Variants in TFRC observed in about 807,000 individuals in gnomAD.
TFRC encodes the protein transferrin receptor protein 1.
A neutral mutation model predicts 85.8 loss-of-function variants in TFRC; 35 were observed. That is an observed-to-expected ratio of 0.41 (90% CI 0.31 to 0.54). TFRC has a LOEUF of 0.54. Among genes scored for constraint, TFRC ranks in the 20% least tolerant of loss-of-function variants. The pLI, the probability that TFRC is intolerant of heterozygous loss-of-function variation, is 0.31. For synonymous variants in TFRC, 362 were observed against 328.6 expected, an observed-to-expected ratio of 1.10 and a Z score of -1.10; for missense variants, 828 against 921.5, an observed-to-expected ratio of 0.90 and a Z score of 1.31.
At chr3:196,052,502 G>A (rs770234724) in intron 18 of TFRC, among the ~76,000 whole-genome samples, 3 of 151,744 alleles carry the variant, frequency 2.0e-5, no homozygotes, top group African/African-American at 4.8e-5. Flanking sequence ...GTACAATGGC[G>A]CGATCTCAGC....
Position 196,072,114 on chromosome 3 carries a change from C to G in TFRC, c.473G>C (p.Gly158Ala). 1 of 1,614,098 alleles carries G rather than the reference C, an allele frequency of 6.2e-7. No homozygotes were observed. The highest frequency in any genetic ancestry group is 8.5e-7 in the Non-Finnish European group (1 of 1,180,020). The change falls in exon 5 of 19, where the codon GGA becomes GCA. Residue 158 changes from glycine to alanine, a missense_variant. Transcript: ENST00000360110. Reference sequence around the variant, plus strand: ...CGCAAGATTTTCATCTTTTTGAGATCCAGCCTCACGAGGGACATATGAATT... The same window carrying G: ...CGCAAGATTTTCATCTTTTTGAGATGCAGCCTCACGAGGGACATATGAATT... Reference protein sequence around the residue: ...NENSYVPREAGSQKDENLALY... With the variant: ...NENSYVPREAASQKDENLALY...
In TFRC at chr3:196,077,200, G is replaced by T. The variant is rs1040947174; in HGVS notation, c.-23-78C>A. ...TGAGCTTTCTATTACCAGGCTAAATGATACATTAAATTTTTAAAATACATT... is the reference window on the plus strand; with the variant it reads ...TGAGCTTTCTATTACCAGGCTAAATTATACATTAAATTTTTAAAATACATT... On this transcript the variant is annotated intron_variant, in intron 1 of 18. Transcript: ENST00000360110. The T allele has an allele frequency of 4.0e-6, 4 of 993,126 alleles. No individual in the cohort carries two copies. In the African/African-American group the frequency reaches 4.9e-5, roughly 12 times the overall value. 61.5% of individuals were successfully genotyped at this position (993,126 alleles called of 1,614,324 possible).
At chr3:196,076,588 T>G (rs1718722487) in intron 2 of TFRC, among the ~76,000 whole-genome samples, 1 of 152,038 alleles carries the variant, frequency 6.6e-6, no homozygotes, top group African/African-American at 2.4e-5. Context: ...TAGCTGGGAC[T>G]ACAGGCATGC....
chr3:196,067,983 GAAC>G (rs1283667025), intron 8 of TFRC, 46 bp downstream of exon 8: 1 of 1,488,680 alleles, frequency 6.7e-7, no homozygotes, highest in East Asian at 2.3e-5. Context: ...AGGAATCCAA[GAAC>G]AACTCAAGGA....
chr3:196,067,602 G>A lies in TFRC; in HGVS notation c.956C>T (p.Thr319Ile). The A allele has an allele frequency of 6.2e-7, 1 of 1,614,176 alleles. No individual in the cohort carries two copies. Residue 319 changes from threonine to isoleucine, a missense_variant, in exon 9 of 19, where the codon ACT (threonine) becomes ATT (isoleucine). Coordinates refer to ENST00000360110, the MANE Select transcript of TFRC (RefSeq NM_001128148.3). ...TGATGACCGAGATGGTGGAAACTGAGTGTGATTGAAGGAAGGGAATCCAGG... is the reference window on the plus strand; with the variant it reads ...TGATGACCGAGATGGTGGAAACTGAATGTGATTGAAGGAAGGGAATCCAGG... Reference protein sequence around the residue: ...YTPGFPSFNHTQFPPSRSSGL... With the variant: ...YTPGFPSFNHIQFPPSRSSGL...
chr3:196,062,730 G>T (rs1371989387), intron 12 of TFRC, 85 bp from the exon 13 acceptor site: 1 of 1,540,738 alleles, frequency 6.5e-7, no homozygotes, highest in African/African-American at 1.4e-5. Flanking sequence ...TTCAATTCTG[G>T]ACTCTACTGA....
At position 196,051,669 on chromosome 3, in the gene TFRC, A is replaced by C; in HGVS notation, c.*273T>G. On this transcript the variant is annotated 3_prime_UTR_variant, in exon 19 of 19. Transcript: ENST00000360110. Reference sequence around the variant, plus strand: ...GACATTTTCATTAACAACAACAGGAAAGAGGCAGTTCCCATTACAAAGCAC... The same window carrying C: ...GACATTTTCATTAACAACAACAGGACAGAGGCAGTTCCCATTACAAAGCAC... 1 of 416,788 alleles carries C rather than the reference A, an allele frequency of 2.4e-6. No individual in the cohort carries two copies. Among genetic ancestry groups the C allele is most frequent in the Non-Finnish European group, 4.3e-6 (1 of 231,646 alleles). The allele number at this position is 416,788 out of a possible 1,614,324, so 25.8% of individuals were successfully genotyped here. A position where few individuals can be genotyped will look rare whatever the true frequency, so the allele number is the denominator to read the frequency against.
Position 196,065,434 on chromosome 3 carries a change from G to GGGGGGGGGGGT in TFRC, c.1198+8_1198+9insACCCCCCCCCC. On this transcript the variant is annotated intron_variant, in intron 10 of 18. Coordinates refer to ENST00000360110, the MANE Select transcript of TFRC (RefSeq NM_001128148.3). ...AAGCGGGGCGGGGGGGGGGGGGGGCGGTCTTTACCTGGTTCTACAAAGCCT... is the reference window on the plus strand; with the variant it reads ...AAGCGGGGCGGGGGGGGGGGGGGGCGGGGGGGGGGGTGTCTTTACCTGGTTCTACAAAGCCT... 1.6e-6 allele frequency: 1 copy of GGGGGGGGGGGT among 621,574 alleles called. No homozygotes were observed. The highest frequency in any genetic ancestry group is 2.2e-6 in the Non-Finnish European group (1 of 454,810). The allele number at this position is 621,574 out of a possible 1,614,324, so 38.5% of individuals were successfully genotyped here. A position where few individuals can be genotyped will look rare whatever the true frequency, so the allele number is the denominator to read the frequency against.
Position 196,076,697 on chromosome 3 carries a change from G to A in TFRC, c.36+367C>T, listed in dbSNP as rs528654945. Among the ~76,000 whole-genome samples the A allele has an allele frequency of 1.6e-4, 25 of 151,620 alleles. No homozygotes were observed. In the South Asian group the frequency reaches 1.7e-3, roughly 10 times the overall value. On this transcript the variant is annotated intron_variant, in intron 2 of 18. Transcript: ENST00000360110. Reference sequence around the variant, plus strand: ...TGGTCTTGAACTCCTGACCACAGGTGATCCACCCACCTCAGCCTCCCAAAG... The same window carrying A: ...TGGTCTTGAACTCCTGACCACAGGTAATCCACCCACCTCAGCCTCCCAAAG...
chr3:196,079,289 TTTC>T (rs1175125203), intron 1 of TFRC, among the ~76,000 whole-genome samples: 1 of 152,180 alleles, frequency 6.6e-6, no homozygotes, highest in Non-Finnish European at 1.5e-5. Context: ...TTCCTCAAGT[TTTC>T]TTGTTTTAAA....
chr3:196,067,063 T>C (rs555756502), intron 9 of TFRC, among the ~76,000 whole-genome samples: 2 of 152,328 alleles, frequency 1.3e-5, no homozygotes, highest in South Asian at 4.1e-4. Flanking sequence ...GAAACCATCA[T>C]AAGAAGCAAG....
chr3:196,066,033 AACTT>A, intron 9 of TFRC, among the ~76,000 whole-genome samples: 1 of 151,970 alleles, frequency 6.6e-6, no homozygotes, highest in Admixed American at 6.6e-5. Context: ...AACAAAAAAA[AACTT>A]ACTCTCTAGT....
intron 4 of TFRC, among the ~76,000 whole-genome samples, chr3:196,072,618 C>T (rs113797794): frequency 5.9e-5 from 9 of 152,172 alleles, no homozygotes; most frequent in African/African-American, 2.2e-4. Flanking sequence ...GTGGGGTGGA[C>T]TATACTCTCA....
At chr3:196,078,659 A>G (rs1257263461) in intron 1 of TFRC, among the ~76,000 whole-genome samples, 5 of 152,166 alleles carry the variant, frequency 3.3e-5, no homozygotes, top group Non-Finnish European at 5.9e-5. Context: ...TCCATCTCAA[A>G]AAAATAATAA....
At chr3:196,057,388 T>G (rs931231291) in intron 16 of TFRC, among the ~76,000 whole-genome samples, 1 of 152,102 alleles carries the variant, frequency 6.6e-6, no homozygotes, top group Non-Finnish European at 1.5e-5. Context: ...GCAGACTCCC[T>G]TAGTTGTAAG....
intron 9 of TFRC, among the ~76,000 whole-genome samples, 170 bp downstream of exon 9, chr3:196,067,348 C>T (rs1717818175): frequency 6.6e-6 from 1 of 152,206 alleles, no homozygotes; most frequent in Non-Finnish European, 1.5e-5. Flanking sequence ...ATTAAGATCT[C>T]TTTATAGAGA....
In TFRC at chr3:196,074,080, T is replaced by C. The variant is rs758750274; in HGVS notation, c.284A>G (p.Lys95Arg). The C allele has an allele frequency of 6.2e-7, 1 of 1,614,150 alleles. No individual in the cohort carries two copies. Among genetic ancestry groups the C allele is most frequent in the Non-Finnish European group, 8.5e-7 (1 of 1,180,018 alleles). The change falls in exon 4 of 19, where the codon AAA (lysine) becomes AGA (arginine). Residue 95 changes from lysine (K) to arginine (R), a missense_variant. Physicochemically the swap from Lys to Arg is conservative, Grantham distance 26. Transcript: ENST00000360110. ...TCCTGCCAGTCTCTCACACTCAGTT[T>C]TTGGTTCTACCCCTTTACAATAGCC... ...YLGYCKGVEP[K>R]TECERLAGTE...
chr3:196,057,189 C>A (rs186107336), intron 16 of TFRC, among the ~76,000 whole-genome samples: 1 of 152,198 alleles, frequency 6.6e-6, no homozygotes, highest in African/African-American at 2.4e-5. Flanking sequence ...GACAGCCCAG[C>A]GCTGCCGCAC....
chr3:196,060,594 C>T (rs1717192673), intron 13 of TFRC: 2 of 191,614 alleles, frequency 1.0e-5, no homozygotes, highest in African/African-American at 2.4e-5. Context: ...GTCAGGAGAT[C>T]GAGACCATCT....
Sources: allele counts gnomAD v4.1 joint callset (sites outside exome capture counted in the v4.1 genomes callset), GRCh38; gene constraint gnomAD v4.1.1; transcripts MANE v1.5; gene names NCBI Gene and HGNC (gene_info 2026-07-23, HGNC 2026-07-21).